PTGER3: variants seen among roughly 807,000 people sequenced by gnomAD.
The protein encoded by PTGER3 is prostaglandin E2 receptor EP3 subtype.
In PTGER3, 22 loss-of-function variants were observed where a neutral mutation model predicts 34.7. The observed-to-expected ratio is 0.63, with a 90% confidence interval of 0.45 to 0.91. The LOEUF is 0.91. Among genes scored for constraint, PTGER3 ranks in the 40% least tolerant of loss-of-function variants. PTGER3 has a pLI of 0.00. For synonymous variants in PTGER3, 241 were observed against 230.1 expected (o/e 1.05, Z -0.43); for missense variants, 468 against 519.4 (o/e 0.90, Z 0.96).
At position 70,939,219 on chromosome 1, in the gene PTGER3, T is replaced by G. The variant is rs565771472; in HGVS notation, c.*23+14544A>C. 3.2e-4 allele frequency among the ~76,000 whole-genome samples: 48 copies of G among 152,314 alleles called. 2 individuals carry two copies. The East Asian group carries it at 4.4e-3, about 14-fold the overall frequency. ...TCCAAAATGATCTCCTTTGTCTCCA[T>G]GTCCCACATCCAGGTCAGGCTGACG... On this transcript the variant is annotated intron_variant, in intron 4 of 4. Transcript: ENST00000370931.
chr1:70,915,182 T>C (rs1012521872), intron 4 of PTGER3, among the ~76,000 whole-genome samples: 1 of 151,914 alleles, frequency 6.6e-6, no homozygotes, highest in Admixed American at 6.6e-5. Flanking sequence ...ATTATTGCCA[T>C]TGGTATGTGA....
intron 4 of PTGER3, among the ~76,000 whole-genome samples, chr1:70,919,442 T>C (rs541399861): frequency 4.9e-4 from 74 of 152,268 alleles, no homozygotes; most frequent in African/African-American, 1.8e-3. Flanking sequence ...GGAACACAGC[T>C]GGTCAGAAAA....
Position 70,971,325 on chromosome 1 carries a change from T to C in PTGER3, c.*405A>G. The C allele has an allele frequency of 9.1e-6, 9 of 992,330 alleles. No individual in the cohort carries two copies. The highest frequency in any genetic ancestry group is 9.3e-5 in the South Asian group (2 of 21,412). 61.5% of individuals were successfully genotyped at this position (992,330 alleles called of 1,614,324 possible). On this transcript the variant is annotated 3_prime_UTR_variant, in exon 4 of 4. Coordinates refer to ENST00000306666, the MANE Select transcript of PTGER3 (RefSeq NM_198719.2). ...TTGACTTTTCACCATCATAAGCTTA[T>C]ACTGATTTTTCAAACTCATATTGCA...
Position 70,855,199 on chromosome 1 carries a change from T to C in PTGER3, c.*24-2340A>G, listed in dbSNP as rs1388147142. ...ACATTGATGAACCCTGAAGACATTA[T>C]GGTAAGTAAAATAAGCCCAGTCGCA... On this transcript the variant is annotated intron_variant, in intron 4 of 4. Transcript: ENST00000370931. 3.3e-5 allele frequency among the ~76,000 whole-genome samples: 5 copies of C among 152,158 alleles called. No individual in the cohort carries two copies. The East Asian group carries it at 7.7e-4, about 23-fold the overall frequency.
downstream of PTGER3, among the ~76,000 whole-genome samples, chr1:70,949,736 G>A (rs1373099734): frequency 1.3e-5 from 2 of 152,140 alleles, no homozygotes; most frequent in Non-Finnish European, 1.5e-5. Context: ...ATATTCTAGG[G>A]TAGCACTGTT....
intron 4 of PTGER3, among the ~76,000 whole-genome samples, chr1:70,870,941 C>T (rs906488575): frequency 7.9e-5 from 12 of 152,160 alleles, no homozygotes; most frequent in African/African-American, 1.9e-4. Flanking sequence ...TCTGAGATGT[C>T]GAAACTCTTC....
chr1:70,925,306 C>T (rs879846311), intron 4 of PTGER3, among the ~76,000 whole-genome samples: 9 of 152,276 alleles, frequency 5.9e-5, no homozygotes, highest in East Asian at 1.9e-4. Flanking sequence ...TGCTCAGCTA[C>T]GCACTCACTC....
chr1:70,865,841 G>C, intron 4 of PTGER3: 1 of 1,337,120 alleles, frequency 7.5e-7, no homozygotes, highest in Non-Finnish European at 1.0e-6. Flanking sequence ...AGCCTGAAGA[G>C]AAGAGCAGAG....
chr1:70,877,391 G>A (rs375134131), intron 4 of PTGER3, among the ~76,000 whole-genome samples: 7 of 152,136 alleles, frequency 4.6e-5, no homozygotes, highest in East Asian at 3.9e-4. Context: ...GAATCATATC[G>A]TCTACAAACT....
At chr1:70,898,332 A>G (rs1646766316) in intron 4 of PTGER3, among the ~76,000 whole-genome samples, 2 of 150,250 alleles carry the variant, frequency 1.3e-5, no homozygotes, top group Admixed American at 1.3e-4. Context: ...ACAACTCCAG[A>G]TCAAGGTGGT....
At chr1:70,907,925 G>A (rs1646983452) in intron 4 of PTGER3, among the ~76,000 whole-genome samples, 1 of 152,154 alleles carries the variant, frequency 6.6e-6, no homozygotes, top group Non-Finnish European at 1.5e-5. Flanking sequence ...TCTCACTACT[G>A]CGGGCAGAGC....
chr1:71,010,282 T>C, intron 2 of PTGER3: 1 of 984,682 alleles, frequency 1.0e-6, no homozygotes, highest in Non-Finnish European at 1.2e-6. Context: ...CCCTTGAAGA[T>C]AAATTCATAT....
At chr1:70,900,016 C>A (rs1646803078) in intron 4 of PTGER3, among the ~76,000 whole-genome samples, 2 of 152,120 alleles carry the variant, frequency 1.3e-5, no homozygotes, top group South Asian at 4.1e-4. Flanking sequence ...ACCTCAGCCA[C>A]ACTTCAGTGA....
At chr1:70,981,324 T>C (rs546655548) in intron 2 of PTGER3, among the ~76,000 whole-genome samples, 19 of 52,744 alleles carry the variant, frequency 3.6e-4, no homozygotes, top group African/African-American at 1.3e-3. Flanking sequence ...TCCTTTCTTC[T>C]TTCTTTCTTT....
intron 4 of PTGER3, among the ~76,000 whole-genome samples, chr1:70,941,714 T>C (rs1227421570): frequency 6.6e-6 from 1 of 152,182 alleles, no homozygotes; most frequent in African/African-American, 2.4e-5. Flanking sequence ...TCAGGAGTCA[T>C]GATGAGTCTA....
intron 1 of PTGER3, among the ~76,000 whole-genome samples, chr1:71,028,235 C>T (rs528909257): frequency 8.6e-5 from 13 of 151,938 alleles, no homozygotes; most frequent in Non-Finnish European, 1.8e-4. Context: ...ACAGTTTCCT[C>T]GTTTTTAAGA....
intron 1 of PTGER3, among the ~76,000 whole-genome samples, chr1:71,024,081 C>T (rs1027712859): frequency 9.4e-5 from 14 of 149,646 alleles, no homozygotes; most frequent in Non-Finnish European, 1.5e-4. Context: ...TTCAAAGCTC[C>T]TCTTTACTTG....
At chr1:70,854,412 A>T (rs1645753892) in intron 4 of PTGER3, among the ~76,000 whole-genome samples, 1 of 152,176 alleles carries the variant, frequency 6.6e-6, no homozygotes. Flanking sequence ...CTATAATGAG[A>T]TATCACCCAT....
intron 1 of PTGER3, among the ~76,000 whole-genome samples, chr1:71,043,657 T>G (rs1660497756): frequency 6.6e-6 from 1 of 152,204 alleles, no homozygotes; most frequent in Admixed American, 6.5e-5. Context: ...CGTTAATCTC[T>G]CATTTTAACA....
Sources: gnomAD v4.1 joint callset for allele counts (sites outside exome capture counted in the v4.1 genomes callset) on GRCh38, gnomAD v4.1.1 for gene constraint, MANE v1.5 for transcripts, NCBI Gene and HGNC (gene_info 2026-07-23, HGNC 2026-07-21) for gene names.